The following ZNF441 variants were observed in gnomAD, a reference collection of about 807,000 sequenced individuals.
ZNF441 encodes zinc finger protein 441.
ZNF441 carries 25 observed loss-of-function variants against 64.5 expected under a neutral mutation model. The observed-to-expected ratio is 0.39, with a 90% CI of 0.28 to 0.54. The LOEUF (loss-of-function observed/expected upper bound fraction) is 0.54. Ranked by LOEUF, ZNF441 falls within the 20% of genes least tolerant of loss-of-function variation. The probability of loss-of-function intolerance (pLI) is 0.70; values close to 1 mark genes in which losing one functional copy is unlikely to be tolerated. For missense variants in ZNF441, 715 were observed against 843.3 expected, an observed-to-expected ratio of 0.85 and a Z score of 1.88; for synonymous variants, 262 against 268.0, an observed-to-expected ratio of 0.98 and a Z score of 0.22.
In ZNF441 at chr19:11,776,877, C is replaced by T. The variant is rs544268914; in HGVS notation, c.4-734C>T. On this transcript the variant is annotated intron_variant, in intron 1 of 3. Transcript: ENST00000357901. ...AGGCTGGAGTGCAATGGCGCAATCTCGGCTCACCGCAACCTTCGCCTCCCG... is the reference window on the plus strand; with the variant it reads ...AGGCTGGAGTGCAATGGCGCAATCTTGGCTCACCGCAACCTTCGCCTCCCG... 4.0e-4 allele frequency among the ~76,000 whole-genome samples: 60 copies of T among 151,808 alleles called. No homozygotes were observed. The East Asian group carries it at 5.0e-3, about 13-fold the overall frequency.
At chr19:11,773,603 A>G (rs900955702) in intron 1 of ZNF441, among the ~76,000 whole-genome samples, 3 of 152,176 alleles carry the variant, frequency 2.0e-5, no homozygotes, top group Non-Finnish European at 4.4e-5. Context: ...GTGGTTTTAT[A>G]AGTTTTTGCC....
chr19:11,779,920 A>G, intron 3 of ZNF441, 99 bp from the exon 4 acceptor site: 10 of 1,146,652 alleles, frequency 8.7e-6, no homozygotes, highest in Non-Finnish European at 1.2e-5. Flanking sequence ...CAGAAAAAAA[A>G]AAGAAAAGAA....
In ZNF441 at chr19:11,767,041, A is replaced by G; in HGVS notation, c.-153A>G. The G allele has an allele frequency of 8.5e-7, 1 of 1,172,644 alleles. No individual in the cohort carries two copies. The highest frequency in any genetic ancestry group is 1.2e-6 in the Non-Finnish European group (1 of 825,558). The allele number at this position is 1,172,644 out of a possible 1,614,324, so 72.6% of individuals were successfully genotyped here. ...GACCGGAGGAGGGTGCAAGGTTCAA[A>G]GAGCCCGCCGAGTCTTCTCCACGCC... On this transcript the variant is annotated 5_prime_UTR_variant, in exon 1 of 4. Coordinates refer to ENST00000357901, the MANE Select transcript of ZNF441 (RefSeq NM_152355.3). The surrounding 1 kb of genome is among the most constrained non-coding windows in gnomAD (Gnocchi z 5.1).
rs140651700 is a variant in ZNF441 at position 11,781,360 on chromosome 19, T to C, written c.1536T>C (p.Phe512=). The change falls in exon 4 of 4, where the codon TTT becomes TTC. Residue 512 remains phenylalanine (F), a synonymous_variant. Transcript: ENST00000357901. The part of the protein sequence containing the change: ...PHKCKICGKS[F]DSPSSFRRHE... Reference sequence around the variant, plus strand: ...AATGTAAGATATGTGGGAAAAGCTTTGATTCTCCCAGTTCATTTCGAAGAC... The same window carrying C: ...AATGTAAGATATGTGGGAAAAGCTTCGATTCTCCCAGTTCATTTCGAAGAC... The C allele has an allele frequency of 4.9e-3, 7,855 of 1,613,210 alleles. 22 individuals are homozygous for C. Among genetic ancestry groups the C allele is most frequent in the Non-Finnish European group, 6.0e-3 (7,103 of 1,179,774 alleles).
chr19:11,773,467 T>C (rs904948340), intron 1 of ZNF441, among the ~76,000 whole-genome samples: 8 of 152,224 alleles, frequency 5.3e-5, no homozygotes, highest in Non-Finnish European at 8.8e-5. Context: ...TTAAATCTAG[T>C]TGATTAATAG....
At position 11,776,106 on chromosome 19, in the gene ZNF441, T is replaced by A. The variant is rs10412854; in HGVS notation, c.4-1505T>A. ...TGACCTAATTAGGCTCCATCATTGA[T>A]TAAATAAAAAAGAGAACTTTCTTTC... is the stretch of plus-strand genomic sequence containing the variant. On this transcript the variant is annotated intron_variant, in intron 1 of 3. Transcript: ENST00000357901. 7.2e-3 allele frequency among the ~76,000 whole-genome samples: 1,102 copies of A among 152,310 alleles called. 7 individuals are homozygous for A. The highest frequency in any genetic ancestry group is 0.026 in the African/African-American group (1,060 of 41,566).
chr19:11,771,990 G>T (rs1327545866), intron 1 of ZNF441, among the ~76,000 whole-genome samples: 1 of 152,184 alleles, frequency 6.6e-6, no homozygotes, highest in Non-Finnish European at 1.5e-5. Context: ...GTTCCATCCT[G>T]TACACCTGGC....
Position 11,781,904 on chromosome 19 carries a change from T to A in ZNF441, c.2080T>A (p.Ter694LysextTer5). The A allele has an allele frequency of 6.3e-7, 1 of 1,582,462 alleles. No homozygotes were observed. Among genetic ancestry groups the A allele is most frequent in the Non-Finnish European group, 8.6e-7 (1 of 1,162,950 alleles). ...CTTTCATAAACATGAAATGACTCAC[T>A]AGAGAAAACCCCTATGAGTGTTGAA... ...SSFHKHEMTH[*>K] Residue 694 changes from the stop codon to lysine, a stop_lost, in exon 4 of 4, where the codon TAG becomes AAG. Transcript: ENST00000357901.
In ZNF441 at chr19:11,777,726, T is replaced by C. The variant is rs1284563255; in HGVS notation, c.119T>C (p.Leu40Pro). The C allele has an allele frequency of 6.2e-7, 1 of 1,611,800 alleles. No homozygotes were observed. The highest frequency in any genetic ancestry group is 2.2e-5 in the East Asian group (1 of 44,824). Residue 40 changes from leucine to proline, a missense_variant, in exon 2 of 4, where the codon CTG becomes CCG. Leu to Pro is a moderately conservative substitution (Grantham distance 98, BLOSUM62 -3). This residue lies in a region of ZNF441 where 399 missense variants were observed against 413.9 expected (regional missense o/e 0.96). Transcript: ENST00000357901. ...RDVMQETIRN[L>P]DCIGMIWQNH... ...GTGATGCAGGAAACCATCAGAAACC[T>C]GGACTGTATAGGTAAGGATGTCATC...
chr19:11,778,111 A>G (rs1975369131), intron 2 of ZNF441: 2 of 499,634 alleles, frequency 4.0e-6, no homozygotes, highest in South Asian at 3.1e-5. Flanking sequence ...CTTTACATTG[A>G]GTAGACTGAA....
Position 11,781,531 on chromosome 19 carries a change from T to C in ZNF441, c.1707T>C (p.Ser569=). 1.2e-6 allele frequency: 2 copies of C among 1,614,080 alleles called. No homozygotes were observed. Among genetic ancestry groups the C allele is most frequent in the South Asian group, 1.1e-5 (1 of 91,080 alleles). The change falls in exon 4 of 4, where the codon TCT becomes TCC. Residue 569 remains serine, a synonymous_variant. Coordinates refer to ENST00000357901, the MANE Select transcript of ZNF441 (RefSeq NM_152355.3). ...GTCAGCAATGTGGGAAAGCATTATC[T>C]GATCTCTCAAGCTTTCGAAGACACA... The part of the protein sequence containing the change: ...YGCQQCGKAL[S]DLSSFRRHMI...
At position 11,783,325 on chromosome 19, in the gene ZNF441, C is replaced by G. The variant is rs1223313243; in HGVS notation, c.*1419C>G. On this transcript the variant is annotated 3_prime_UTR_variant, in exon 4 of 4. Transcript: ENST00000357901. ...GGATGTGGAGAAAAGAAAACTTTCA[C>G]TGTTGGTGAAAGTATAAATTAGAAC... 3 of 152,154 alleles carry G rather than the reference C, an allele frequency of 2.0e-5. No individual in the cohort carries two copies. The highest frequency in any genetic ancestry group is 4.4e-5 in the Non-Finnish European group (3 of 68,018). 9.4% of individuals were successfully genotyped at this position (152,154 alleles called of 1,614,324 possible). A position where few individuals can be genotyped will look rare whatever the true frequency, so the allele number is the denominator to read the frequency against.
rs1044248771 is a variant in ZNF441 at position 11,783,371 on chromosome 19, T to C, written c.*1465T>C. 6.6e-6 allele frequency: 1 copy of C among 152,192 alleles called. No individual in the cohort carries two copies. Among genetic ancestry groups the C allele is most frequent in the Non-Finnish European group, 1.5e-5 (1 of 68,026 alleles). 9.4% of individuals were successfully genotyped at this position (152,192 alleles called of 1,614,324 possible). On this transcript the variant is annotated 3_prime_UTR_variant, in exon 4 of 4. Coordinates refer to ENST00000357901, the MANE Select transcript of ZNF441 (RefSeq NM_152355.3). ...AGAACAACTACTGTGGAAAACAGTATGTAGATTTCTCAAAAACCTAAAAAT... is the reference window on the plus strand; with the variant it reads ...AGAACAACTACTGTGGAAAACAGTACGTAGATTTCTCAAAAACCTAAAAAT...
At position 11,780,328 on chromosome 19, in the gene ZNF441, C is replaced by G. The variant is rs779803664; in HGVS notation, c.504C>G (p.Leu168=). Residue 168 remains leucine, a synonymous_variant, in exon 4 of 4, where the codon CTC becomes CTG. Coordinates refer to ENST00000357901, the MANE Select transcript of ZNF441 (RefSeq NM_152355.3). ...IHERPQHGKK[L]YDCKECASFS... ...AAAGACCTCAGCATGGAAAGAAACT[C>G]TATGATTGTAAGGAATGTGCAAGCT... 3 of 1,614,046 alleles carry G rather than the reference C, an allele frequency of 1.9e-6. No homozygotes were observed. Among genetic ancestry groups the G allele is most frequent in the Non-Finnish European group, 2.5e-6 (3 of 1,180,042 alleles).
At chr19:11,775,901 T>C (rs1975352085) in intron 1 of ZNF441, among the ~76,000 whole-genome samples, 1 of 152,166 alleles carries the variant, frequency 6.6e-6, no homozygotes, top group South Asian at 2.1e-4. Context: ...GTGCTGGGAT[T>C]ACAAACGTGA....
chr19:11,774,831 T>C (rs1348544602), intron 1 of ZNF441, among the ~76,000 whole-genome samples: 1 of 152,218 alleles, frequency 6.6e-6, no homozygotes, highest in Non-Finnish European at 1.5e-5. Flanking sequence ...TTCTTTATAG[T>C]CTTTATGGAT....
At position 11,767,112 on chromosome 19, in the gene ZNF441, G is replaced by C. The variant is rs925498047; in HGVS notation, c.-82G>C. ...CTGTCACTGAGAGACGCCCTGGAAC[G>C]TCTGTGGCAGCTTCTGTCTCGCTGG... is the stretch of plus-strand genomic sequence containing the variant. On this transcript the variant is annotated 5_prime_UTR_variant, in exon 1 of 4. Transcript: ENST00000357901. This position sits in a 1 kb window ranked among gnomAD's most constrained non-coding sequence, Gnocchi z 5.1. The C allele has an allele frequency of 1.3e-6, 2 of 1,549,292 alleles. No individual in the cohort carries two copies. Among genetic ancestry groups the C allele is most frequent in the South Asian group, 1.2e-5 (1 of 83,964 alleles).
At position 11,781,052 on chromosome 19, in the gene ZNF441, G is replaced by C. The variant is rs780286113; in HGVS notation, c.1228G>C (p.Glu410Gln). ...TGATTTCTATTACTTTCGAAATCAT[G>C]AAACTACTCACACTGGAGAGAAGCC... is the stretch of plus-strand genomic sequence containing the variant. ...FSDFYYFRNH[E>Q]TTHTGEKPYK... The change falls in exon 4 of 4, where the codon GAA becomes CAA. Residue 410 changes from glutamate to glutamine, a missense_variant. Glu to Gln is a conservative substitution (Grantham distance 29). Around this residue, in one of 2 missense-constraint regions of ZNF441, gnomAD observed 316 missense variants for 429.3 expected, o/e 0.74. Coordinates refer to ENST00000357901, the MANE Select transcript of ZNF441 (RefSeq NM_152355.3). 8.1e-6 allele frequency: 13 copies of C among 1,613,742 alleles called. No homozygotes were observed. Among genetic ancestry groups the C allele is most frequent in the Non-Finnish European group, 1.1e-5 (13 of 1,179,942 alleles).
At chr19:11,778,605 G>C (rs984918746) in intron 3 of ZNF441, among the ~76,000 whole-genome samples, 1 of 152,102 alleles carries the variant, frequency 6.6e-6, no homozygotes, top group Non-Finnish European at 1.5e-5. Flanking sequence ...TTACAGGCAT[G>C]CACCACCACA....
Sources: gnomAD v4.1 joint callset for allele counts (sites outside exome capture counted in the v4.1 genomes callset) on GRCh38, gnomAD v4.1.1 for gene constraint, gnomAD v4.1.1 regional missense constraint, Gnocchi (gnomAD v3.1) non-coding constraint, MANE v1.5 for transcripts, NCBI Gene and HGNC (gene_info 2026-07-23, HGNC 2026-07-21) for gene names.